Variants in FMN2 observed in about 807,000 individuals in gnomAD.
The protein encoded by FMN2 is formin 2.
Under a neutral mutation model 142.3 loss-of-function variants are expected in FMN2, and 51 were observed. The ratio of observed to expected loss-of-function variants is 0.36; its 90% CI spans 0.29 to 0.45. The LOEUF (loss-of-function observed/expected upper bound fraction) is 0.45, where lower values mean the gene tolerates loss of function less well. Among genes scored for constraint, FMN2 ranks in the 20% least tolerant of loss-of-function variants. The pLI is 1.00. For missense variants in FMN2, 1,936 were observed against 2,122.8 expected (o/e 0.91, Z 1.73); for synonymous variants, 882 against 869.8 (o/e 1.01, Z -0.25).
At chr1:240,468,606 T>G (rs546662096) in intron 16 of FMN2, among the ~76,000 whole-genome samples, 2 of 152,246 alleles carry the variant, frequency 1.3e-5, no homozygotes, top group Non-Finnish European at 2.9e-5. Context: ...ATTTATTGTT[T>G]GAAATGTTAT....
Position 240,211,236 on chromosome 1 carries a change from G to A in FMN2, c.4065+1G>A. 6.2e-7 allele frequency: 1 copy of A among 1,610,414 alleles called. No homozygotes were observed. On this transcript the variant is annotated splice_donor_variant, in intron 6 of 17. Coordinates refer to ENST00000319653, the MANE Select transcript of FMN2 (RefSeq NM_020066.5). LOFTEE classifies it high-confidence loss of function. The stretch of plus-strand genomic sequence containing the variant: ...TATCTCAAAGACGAAGGCTAAACAA[G>A]TGAGTATTTTTGTGCTTTATGAAAT...
chr1:240,227,010 A>G (rs1165921199), intron 6 of FMN2, among the ~76,000 whole-genome samples: 4 of 152,222 alleles, frequency 2.6e-5, no homozygotes, highest in African/African-American at 9.6e-5. Context: ...CAATTAGGCA[A>G]GGGAAAGAAA....
At chr1:240,474,029 T>A in intron 17 of FMN2, 99 bp from the exon 18 acceptor site, 1 of 1,028,004 alleles carries the variant, frequency 9.7e-7, no homozygotes, top group Non-Finnish European at 1.4e-6. Flanking sequence ...CCACAGAATT[T>A]GATCCAAATG....
rs189253407 is a variant in FMN2, at chr1:240,240,001, A to G, written c.4066-17944A>G. Among the ~76,000 whole-genome samples the G allele has an allele frequency of 2.0e-5, 3 of 152,356 alleles. No homozygotes were observed. The East Asian group carries it at 5.8e-4, about 29-fold the overall frequency. On this transcript the variant is annotated intron_variant, in intron 6 of 17. Transcript: ENST00000319653. ...GCAATACATAAGACAGAATATTCAG[A>G]TGGACCTTACCGTCTAAGGTTTGCT...
intron 2 of FMN2, among the ~76,000 whole-genome samples, chr1:240,132,259 C>T (rs1204188101): frequency 6.6e-6 from 1 of 152,168 alleles, no homozygotes; most frequent in Admixed American, 6.5e-5. Flanking sequence ...GGCAAGGGAA[C>T]TGATATTGCT....
intron 2 of FMN2, among the ~76,000 whole-genome samples, chr1:240,162,604 C>CTTAT (rs143338634): frequency 5.9e-5 from 1 of 17,002 alleles, no homozygotes; most frequent in Non-Finnish European, 1.1e-4. Flanking sequence ...ATTCTAATAT[C>CTTAT]TTACTACTTT....
chr1:240,316,330 G>T (rs907120140), intron 8 of FMN2, among the ~76,000 whole-genome samples: 1 of 152,170 alleles, frequency 6.6e-6, no homozygotes, highest in Non-Finnish European at 1.5e-5. Flanking sequence ...ATAATATGCT[G>T]CAGAGAAGAG....
chr1:240,317,447 G>A (rs562989657), intron 8 of FMN2, among the ~76,000 whole-genome samples: 8 of 151,950 alleles, frequency 5.3e-5, no homozygotes, highest in East Asian at 1.9e-4. Context: ...TGTTTCCATC[G>A]CTATAATTTT....
intron 8 of FMN2, among the ~76,000 whole-genome samples, 162 bp from the exon 9 acceptor site, chr1:240,328,914 A>G (rs1270665138): frequency 1.3e-5 from 2 of 152,228 alleles, no homozygotes; most frequent in Admixed American, 1.3e-4. Flanking sequence ...AAAATGCCTC[A>G]TGAATTAAGT....
chr1:240,120,975 T>C (rs1351081251), intron 1 of FMN2, among the ~76,000 whole-genome samples: 1 of 152,122 alleles, frequency 6.6e-6, no homozygotes, highest in Non-Finnish European at 1.5e-5. Flanking sequence ...CTGACCAATA[T>C]GGTGAAACCC....
chr1:240,343,448 G>C (rs548887170), intron 13 of FMN2, among the ~76,000 whole-genome samples: 1 of 152,096 alleles, frequency 6.6e-6, no homozygotes, highest in Non-Finnish European at 1.5e-5. Flanking sequence ...CACAAACACC[G>C]CCTCCTTTTG....
intron 14 of FMN2, among the ~76,000 whole-genome samples, chr1:240,370,372 T>G (rs1431285966): frequency 6.6e-6 from 1 of 152,240 alleles, no homozygotes; most frequent in African/African-American, 2.4e-5. Context: ...ACGTTCTTCT[T>G]AATGACTTCA....
intron 5 of FMN2, among the ~76,000 whole-genome samples, chr1:240,210,240 T>C (rs1201839594): frequency 6.6e-6 from 1 of 152,160 alleles, no homozygotes; most frequent in Non-Finnish European, 1.5e-5. Flanking sequence ...AATGTGTAGG[T>C]GGCAGGGAAA....
chr1:240,392,677 A>G, intron 15 of FMN2, 115 bp downstream of exon 15: 1 of 767,134 alleles, frequency 1.3e-6, no homozygotes, highest in Middle Eastern at 3.0e-4. Flanking sequence ...ACAAAAATAA[A>G]TCTAATAAAA....
At chr1:240,161,085 A>G (rs1664255418) in intron 2 of FMN2, among the ~76,000 whole-genome samples, 3 of 152,232 alleles carry the variant, frequency 2.0e-5, no homozygotes, top group Non-Finnish European at 1.5e-5. Context: ...TGACAAGTAT[A>G]TGAACAGATT....
chr1:240,207,044 A>G lies in FMN2; in HGVS notation c.2232A>G (p.Ile744Met), dbSNP rs760826054. The G allele has an allele frequency of 6.2e-6, 10 of 1,614,048 alleles. No homozygotes were observed. The highest frequency in any genetic ancestry group is 2.2e-5 in the South Asian group (2 of 91,086). The change falls in exon 5 of 18, where the codon ATA becomes ATG. Residue 744 changes from isoleucine to methionine, a missense_variant. This residue lies in a region of FMN2 where 478 missense variants were observed against 462.8 expected (regional missense o/e 1.03). Transcript: ENST00000319653. ...ATAGGATTTTAGAGGCGAAATCGAT[A>G]CAGACTTCCCCCACGGAAGAGGGCG... ...RHHRILEAKS[I>M]QTSPTEEGGV...
intron 6 of FMN2, among the ~76,000 whole-genome samples, chr1:240,227,947 T>A (rs372187368): frequency 2.7e-4 from 41 of 152,162 alleles, no homozygotes; most frequent in African/African-American, 9.6e-4. Context: ...GTGGTTAACA[T>A]CCTGAATATC....
At chr1:240,121,936 A>T (rs925381409) in intron 1 of FMN2, among the ~76,000 whole-genome samples, 4 of 151,680 alleles carry the variant, frequency 2.6e-5, no homozygotes, top group African/African-American at 9.7e-5. Flanking sequence ...TGTCCCCGCC[A>T]TGATGGACAC....
chr1:240,280,006 T>G (rs1046211707), intron 7 of FMN2, among the ~76,000 whole-genome samples: 1 of 152,166 alleles, frequency 6.6e-6, no homozygotes, highest in African/African-American at 2.4e-5. Flanking sequence ...TTGATTAAGG[T>G]GATCTCTGTA....
Sources: gnomAD v4.1 joint callset for allele counts (sites outside exome capture counted in the v4.1 genomes callset) on GRCh38, gnomAD v4.1.1 for gene constraint, gnomAD v4.1.1 regional missense constraint, MANE v1.5 for transcripts, NCBI Gene and HGNC (gene_info 2026-07-23, HGNC 2026-07-21) for gene names.